Variants in PLA2G6 observed in about 807,000 individuals in gnomAD.
PLA2G6 encodes phospholipase A2 group VI.
A neutral mutation model predicts 83.8 loss-of-function variants in PLA2G6; 62 were observed. The ratio of observed to expected loss-of-function variants is 0.74; its 90% CI spans 0.60 to 0.91. PLA2G6 has a LOEUF of 0.91. PLA2G6 is among the 40% of genes least tolerant of loss of function. PLA2G6 has a pLI of 0.00. For missense variants in PLA2G6, 944 were observed against 1,102.0 expected (o/e 0.86, Z 2.03); for synonymous variants, 417 against 449.8 (o/e 0.93, Z 0.92).
chr22:38,126,868 C>G (rs923124948), intron 9 of PLA2G6: 7 of 412,926 alleles, frequency 1.7e-5, no homozygotes, highest in Admixed American at 4.1e-5. Context: ...AGGTGAGGCT[C>G]TAAGAGGGTC....
In PLA2G6 at chr22:38,132,992, GT is replaced by G; in HGVS notation, c.915del (p.Lys305AsnfsTer6). 6.4e-7 allele frequency: 1 copy of G among 1,566,916 alleles called. No homozygotes were observed. The highest frequency in any genetic ancestry group is 8.6e-7 in the Non-Finnish European group (1 of 1,156,684). On this transcript the variant is annotated frameshift_variant, in exon 7 of 17. Transcript: ENST00000332509. LOFTEE classifies it high-confidence loss of function. This position sits in a 1 kb window ranked among gnomAD's most constrained non-coding sequence, Gnocchi z 5.0. ...CTGGTGCTGTTCACGTTGCAGCCCC[GT>G]TTCAGCAGCATGCGGGCCATCTGCG... The part of the protein sequence containing the change: ...KNAEMARMLL[K>X]RGCNVNSTSS...
At chr22:38,145,829 ACACACC>A in intron 2 of PLA2G6, 176 bp from the exon 3 acceptor site, 3 of 602,318 alleles carry the variant, frequency 5.0e-6, no homozygotes, top group Non-Finnish European at 3.0e-6. Flanking sequence ...ACACACACAC[ACACACC>A]CCTATACACA....
At chr22:38,134,707 A>G (rs1378659433) in intron 6 of PLA2G6, 5 of 471,006 alleles carry the variant, frequency 1.1e-5, no homozygotes, top group Non-Finnish European at 1.2e-5. Flanking sequence ...ATTTGTGCCG[A>G]GTTTTGTCAC....
Position 38,158,557 on chromosome 22 carries a change from C to T in PLA2G6, c.209+10661G>A, listed in dbSNP as rs11570630. Among the ~76,000 whole-genome samples the T allele has an allele frequency of 2.3e-3, 344 of 152,264 alleles. 2 individuals carry two copies. The highest frequency in any genetic ancestry group is 7.8e-3 in the African/African-American group (324 of 41,544). On this transcript the variant is annotated intron_variant, in intron 2 of 16. Coordinates refer to ENST00000332509, the MANE Select transcript of PLA2G6 (RefSeq NM_003560.4). ...ATATCTTGCTTAAAATTCAAACATA[C>T]GGGCTCATTTATAGTTACATTTTTG... is the stretch of plus-strand genomic sequence containing the variant.
chr22:38,116,021 C>G (rs529936907), intron 13 of PLA2G6, 54 bp downstream of exon 13: 717 of 1,604,144 alleles, frequency 4.5e-4, no homozygotes, highest in Non-Finnish European at 5.9e-4. Flanking sequence ...ACCCACCACC[C>G]CACAGCCTCT....
At chr22:38,124,623 A>C (rs780852238) in intron 10 of PLA2G6, among the ~76,000 whole-genome samples, 5 of 151,848 alleles carry the variant, frequency 3.3e-5, no homozygotes, top group Non-Finnish European at 5.9e-5. Flanking sequence ...TTCCTGGTGG[A>C]GGCTGCTTCC....
At chr22:38,171,726 C>A (rs1396933134) in intron 1 of PLA2G6, among the ~76,000 whole-genome samples, 1 of 151,042 alleles carries the variant, frequency 6.6e-6, no homozygotes, top group Non-Finnish European at 1.5e-5. Flanking sequence ...GAGACTGAGG[C>A]AGGAGAATCA....
intron 3 of PLA2G6, 200 bp downstream of exon 3, chr22:38,145,238 A>T: frequency 1.6e-6 from 1 of 630,012 alleles, no homozygotes; most frequent in Non-Finnish European, 2.9e-6. Flanking sequence ...CTATTTTGCC[A>T]GGCTGGTCTT....
Position 38,123,359 on chromosome 22 carries a change from G to T in PLA2G6, c.1428-101C>A. The T allele has an allele frequency of 8.0e-7, 1 of 1,247,710 alleles. No individual in the cohort carries two copies. The highest frequency in any genetic ancestry group is 1.1e-6 in the Non-Finnish European group (1 of 878,956). 77.3% of individuals were successfully genotyped at this position (1,247,710 alleles called of 1,614,324 possible). A position where few individuals can be genotyped will look rare whatever the true frequency, so the allele number is the denominator to read the frequency against. On this transcript the variant is annotated intron_variant, in intron 10 of 16. Coordinates refer to ENST00000332509, the MANE Select transcript of PLA2G6 (RefSeq NM_003560.4). This position sits in a 1 kb window ranked among gnomAD's most constrained non-coding sequence, Gnocchi z 4.1. ...TGTCCCCTGCAGCTGTGTCCTGGCA[G>T]ACAGACCCAGACGGACCCGAGGAAC...
intron 2 of PLA2G6, among the ~76,000 whole-genome samples, chr22:38,168,498 G>C (rs879323981): frequency 4.0e-4 from 61 of 152,342 alleles, no homozygotes; most frequent in Admixed American, 2.6e-3. Flanking sequence ...CAACAGCTCT[G>C]TCCAGCCTTC....
chr22:38,160,378 T>A (rs2089962442), intron 2 of PLA2G6, among the ~76,000 whole-genome samples: 1 of 152,160 alleles, frequency 6.6e-6, no homozygotes, highest in Non-Finnish European at 1.5e-5. Flanking sequence ...CTACCAGAAA[T>A]GTATGCATGT....
At chr22:38,144,967 G>C (rs1267120839) in intron 3 of PLA2G6, 1 of 357,210 alleles carries the variant, frequency 2.8e-6, no homozygotes, top group East Asian at 9.6e-5. Context: ...CACCTGGTGA[G>C]CACTCCGGAC....
At chr22:38,160,885 T>C (rs2089983160) in intron 2 of PLA2G6, among the ~76,000 whole-genome samples, 2 of 152,092 alleles carry the variant, frequency 1.3e-5, no homozygotes, top group Admixed American at 6.6e-5. Context: ...AGTTATTGGT[T>C]ACCCTTCTTT....
At chr22:38,155,288 T>C (rs2089733280) in intron 2 of PLA2G6, among the ~76,000 whole-genome samples, 1 of 150,608 alleles carries the variant, frequency 6.6e-6, no homozygotes, top group Non-Finnish European at 1.5e-5. Context: ...CACATACTGC[T>C]AAATGCTAAA....
Position 38,132,712 on chromosome 22 carries a change from G to T in PLA2G6, c.1077+119C>A. 1.1e-6 allele frequency: 1 copy of T among 928,552 alleles called. No homozygotes were observed. Among genetic ancestry groups the T allele is most frequent in the Non-Finnish European group, 1.6e-6 (1 of 612,534 alleles). The allele number at this position is 928,552 out of a possible 1,614,324, so 57.5% of individuals were successfully genotyped here. ...GTCTGAACTGAGCTTTGGGTGGGAA[G>T]ATGATTTGGAGCAGCTGACGATAGG... On this transcript the variant is annotated intron_variant, in intron 7 of 16. Coordinates refer to ENST00000332509, the MANE Select transcript of PLA2G6 (RefSeq NM_003560.4). The surrounding 1 kb of genome is among the most constrained non-coding windows in gnomAD (Gnocchi z 5.0).
At chr22:38,130,027 C>T (rs957901345) in intron 7 of PLA2G6, among the ~76,000 whole-genome samples, 1 of 152,210 alleles carries the variant, frequency 6.6e-6, no homozygotes, top group African/African-American at 2.4e-5. Flanking sequence ...CCCCTAATGG[C>T]AGCCTTCGGG....
At chr22:38,169,955 C>A (rs1044417262) in intron 1 of PLA2G6, among the ~76,000 whole-genome samples, 3 of 152,092 alleles carry the variant, frequency 2.0e-5, no homozygotes, top group Non-Finnish European at 4.4e-5. Context: ...CCCAGCACTT[C>A]GAGAGGCTGA....
At chr22:38,129,762 A>C (rs2088097352) in intron 7 of PLA2G6, among the ~76,000 whole-genome samples, 200 bp from the exon 8 acceptor site, 2 of 152,168 alleles carry the variant, frequency 1.3e-5, no homozygotes, top group Admixed American at 1.3e-4. Context: ...GGACCTGACA[A>C]ACAGGCTTAA....
chr22:38,153,054 A>G lies in PLA2G6; in HGVS notation c.210-7401T>C, dbSNP rs1229646466. ...AAGGAGGGTGAAGGAAATTTGGAGAATAACAGAAATGTCTTATATCTTGAT... is the reference window on the plus strand; with the variant it reads ...AAGGAGGGTGAAGGAAATTTGGAGAGTAACAGAAATGTCTTATATCTTGAT... On this transcript the variant is annotated intron_variant, in intron 2 of 16. Transcript: ENST00000332509. Among the ~76,000 whole-genome samples, 7 of 152,166 alleles carry G rather than the reference A, an allele frequency of 4.6e-5. No individual in the cohort carries two copies. The East Asian group carries it at 1.4e-3, about 29-fold the overall frequency.
Sources: allele counts gnomAD v4.1 joint callset (sites outside exome capture counted in the v4.1 genomes callset), GRCh38; gene constraint gnomAD v4.1.1; non-coding constraint Gnocchi (gnomAD v3.1); transcripts MANE v1.5; gene names NCBI Gene and HGNC (gene_info 2026-07-23, HGNC 2026-07-21).